The following SDK1 variants were observed in gnomAD, a reference collection of about 807,000 sequenced individuals.
SDK1 encodes the protein sidekick cell adhesion molecule 1.
A neutral mutation model predicts 245.5 loss-of-function variants in SDK1; 157 were observed. The observed-to-expected ratio is 0.64, with a 90% CI of 0.56 to 0.73. SDK1 has a LOEUF of 0.73. Among genes scored for constraint, SDK1 ranks in the 30% least tolerant of loss-of-function variants. The probability of loss-of-function intolerance (pLI) is 0.00; values close to 1 mark genes in which losing one functional copy is unlikely to be tolerated. For synonymous variants in SDK1, 1,647 were observed against 1,278.5 expected (o/e 1.29, Z -6.15); for missense variants, 3,583 against 3,002.3 (o/e 1.19, Z -4.52).
intron 4 of SDK1, among the ~76,000 whole-genome samples, chr7:3,669,302 G>A (rs912794490): frequency 6.6e-6 from 1 of 152,142 alleles, no homozygotes; most frequent in African/African-American, 2.4e-5. Flanking sequence ...AACAGATACA[G>A]AAACAGATTA....
At chr7:3,992,916 C>T (rs1784448229) in intron 14 of SDK1, among the ~76,000 whole-genome samples, 1 of 152,156 alleles carries the variant, frequency 6.6e-6, no homozygotes, top group Admixed American at 6.5e-5. Flanking sequence ...ATAAATATGG[C>T]TATTGCTCTG....
Position 3,545,913 on chromosome 7 carries a change from A to G in SDK1, c.299-73167A>G, listed in dbSNP as rs957918070. Reference sequence around the variant, plus strand: ...GTTTCCTTCTTTTGAGTTGCTGTCCATTTAGTGTAGTGCAATCAAGAATAC... The same window carrying G: ...GTTTCCTTCTTTTGAGTTGCTGTCCGTTTAGTGTAGTGCAATCAAGAATAC... On this transcript the variant is annotated intron_variant, in intron 1 of 44. Transcript: ENST00000404826. 3.3e-5 allele frequency among the ~76,000 whole-genome samples: 5 copies of G among 152,380 alleles called. No individual in the cohort carries two copies. The East Asian group carries it at 9.6e-4, about 29-fold the overall frequency.
At chr7:3,562,414 C>G (rs796725878) in intron 1 of SDK1, among the ~76,000 whole-genome samples, 25 of 152,270 alleles carry the variant, frequency 1.6e-4, no homozygotes, top group African/African-American at 5.8e-4. Flanking sequence ...ACTGCATATA[C>G]TACTGAGTTC....
At chr7:3,878,072 A>G (rs570250348) in intron 5 of SDK1, among the ~76,000 whole-genome samples, 1 of 152,376 alleles carries the variant, frequency 6.6e-6, no homozygotes, top group South Asian at 2.1e-4. Context: ...CCATTAAAGC[A>G]TATGTAATGT....
intron 1 of SDK1, among the ~76,000 whole-genome samples, chr7:3,408,832 A>G (rs1779121687): frequency 6.6e-6 from 1 of 152,226 alleles, no homozygotes; most frequent in African/African-American, 2.4e-5. Context: ...GTTTGATAAT[A>G]ATGCATTATA....
chr7:4,040,657 C>G (rs950579431), intron 17 of SDK1, among the ~76,000 whole-genome samples: 1 of 152,120 alleles, frequency 6.6e-6, no homozygotes, highest in Non-Finnish European at 1.5e-5. Flanking sequence ...AAAGATTGGT[C>G]AGACCAGGTG....
At chr7:3,348,171 A>C (rs571629038) in intron 1 of SDK1, among the ~76,000 whole-genome samples, 1 of 152,298 alleles carries the variant, frequency 6.6e-6, no homozygotes. Flanking sequence ...TTAGGTTTTA[A>C]TGCATAGCCC....
At chr7:3,921,880 C>A (rs955534729) in intron 5 of SDK1, among the ~76,000 whole-genome samples, 8 of 152,056 alleles carry the variant, frequency 5.3e-5, no homozygotes, top group Non-Finnish European at 8.8e-5. Flanking sequence ...GTGGGAGGAT[C>A]ACCTGAGCCC....
intron 17 of SDK1, among the ~76,000 whole-genome samples, chr7:4,032,650 A>G (rs1787908885): frequency 6.6e-6 from 1 of 152,270 alleles, no homozygotes; most frequent in Non-Finnish European, 1.5e-5. Flanking sequence ...TCAGCATGAA[A>G]AAACAAACCG....
At chr7:4,083,708 T>TCCTC (rs1554335200) in intron 22 of SDK1, among the ~76,000 whole-genome samples, 1 of 33,926 alleles carries the variant, frequency 2.9e-5, no homozygotes, top group Non-Finnish European at 9.3e-5. Flanking sequence ...CTCCTTTACT[T>TCCTC]CCTCCCTCCC....
At chr7:3,385,015 T>A (rs1222179155) in intron 1 of SDK1, among the ~76,000 whole-genome samples, 1 of 141,978 alleles carries the variant, frequency 7.0e-6, no homozygotes, top group Admixed American at 7.4e-5. Context: ...AAAGTAGATG[T>A]GCTCTCTCTA....
intron 1 of SDK1, among the ~76,000 whole-genome samples, chr7:3,554,825 T>A (rs1779534441): frequency 6.6e-6 from 1 of 152,072 alleles, no homozygotes; most frequent in Non-Finnish European, 1.5e-5. Flanking sequence ...ATCAAGAAAC[T>A]AATCCCATTT....
chr7:3,994,462 C>T (rs1477822108), intron 14 of SDK1, among the ~76,000 whole-genome samples: 1 of 151,886 alleles, frequency 6.6e-6, no homozygotes, highest in African/African-American at 2.4e-5. Flanking sequence ...GGCAACATAG[C>T]AAGACCCCAT....
At chr7:4,158,983 C>T (rs969475605) in intron 31 of SDK1, among the ~76,000 whole-genome samples, 8 of 152,204 alleles carry the variant, frequency 5.3e-5, no homozygotes, top group African/African-American at 1.9e-4. Flanking sequence ...CGTCCTACCT[C>T]GGCGGCGTCA....
At chr7:3,408,206 T>C (rs971993098) in intron 1 of SDK1, among the ~76,000 whole-genome samples, 50 of 151,534 alleles carry the variant, frequency 3.3e-4, no homozygotes, top group African/African-American at 1.0e-3. Context: ...CCTGGCCAAT[T>C]TTTTTTTTCA....
chr7:3,398,081 G>C (rs757672953), intron 1 of SDK1, among the ~76,000 whole-genome samples: 2 of 151,984 alleles, frequency 1.3e-5, no homozygotes, highest in Non-Finnish European at 2.9e-5. Flanking sequence ...TAGGTTTAAC[G>C]TTTTCTATAA....
At chr7:3,770,364 A>T in intron 4 of SDK1, among the ~76,000 whole-genome samples, 1 of 152,166 alleles carries the variant, frequency 6.6e-6, no homozygotes, top group Non-Finnish European at 1.5e-5. Context: ...CCATTCACCT[A>T]TTGAAGGACA....
chr7:3,408,630 AT>A (rs1779113328), intron 1 of SDK1, among the ~76,000 whole-genome samples: 1 of 152,120 alleles, frequency 6.6e-6, no homozygotes, highest in South Asian at 2.1e-4. Flanking sequence ...TTGAACTGAT[AT>A]TCTTTTTGGG....
At chr7:3,407,536 C>T (rs1779085768) in intron 1 of SDK1, among the ~76,000 whole-genome samples, 1 of 152,098 alleles carries the variant, frequency 6.6e-6, no homozygotes, top group Non-Finnish European at 1.5e-5. Flanking sequence ...TGGCGGGATA[C>T]TTACATCCAG....
Sources: allele counts gnomAD v4.1 joint callset (sites outside exome capture counted in the v4.1 genomes callset), GRCh38; gene constraint gnomAD v4.1.1; transcripts MANE v1.5; gene names NCBI Gene and HGNC (gene_info 2026-07-23, HGNC 2026-07-21).